The following ARL4C variants were observed in gnomAD, a reference collection of about 807,000 sequenced individuals.
ARL4C encodes the protein ADP-ribosylation factor-like protein 4C.
A neutral mutation model predicts 12.8 loss-of-function variants in ARL4C; 5 were observed. The ratio of observed to expected loss-of-function variants is 0.39; its 90% CI spans 0.20 to 0.82. ARL4C has a LOEUF of 0.82. Ranked by LOEUF, ARL4C falls within the 40% of genes least tolerant of loss-of-function variation. The pLI is 0.39. For missense variants in ARL4C, 148 were observed against 265.2 expected, an observed-to-expected ratio of 0.56 and a Z score of 3.07; for synonymous variants, 119 against 119.4, an observed-to-expected ratio of 1.00 and a Z score of 0.02.
In ARL4C at chr2:234,496,278, C is replaced by T. The variant is rs779118401; in HGVS notation, c.309G>A (p.Glu103=). Residue 103 remains glutamate (E), a synonymous_variant, in exon 1 of 2, where the codon GAG becomes GAA. Coordinates refer to ENST00000339728, the MANE Select transcript of ARL4C (RefSeq NM_001282431.2). ...TCACCTTGTGCAGCTCCGTCTTGGCCTCCTCCAGCCGGTCCACGTCCACCG... is the reference window on the plus strand; with the variant it reads ...TCACCTTGTGCAGCTCCGTCTTGGCTTCCTCCAGCCGGTCCACGTCCACCG... ...VDSVDVDRLE[E]AKTELHKVTK... 1.9e-6 allele frequency: 3 copies of T among 1,598,612 alleles called. No individual in the cohort carries two copies. The highest frequency in any genetic ancestry group is 2.6e-6 in the Non-Finnish European group (3 of 1,172,298).
In ARL4C at chr2:234,495,789, G is replaced by A. The variant is rs771408153; in HGVS notation, c.*17C>T. The A allele has an allele frequency of 1.7e-5, 27 of 1,598,440 alleles. No homozygotes were observed. The highest frequency in any genetic ancestry group is 2.3e-5 in the Non-Finnish European group (27 of 1,179,790). ...CTGAGCTGGGGGTGGGGGGCAGGTC[G>A]AGAGTAGGCCGGTAAATCAGACTTC... is the stretch of plus-strand genomic sequence containing the variant. On this transcript the variant is annotated 3_prime_UTR_variant, in exon 2 of 2. Coordinates refer to ENST00000339728, the MANE Select transcript of ARL4C (RefSeq NM_001282431.2).
Position 234,495,505 on chromosome 2 carries a change from C to G in ARL4C, c.*301G>C. On this transcript the variant is annotated 3_prime_UTR_variant, in exon 2 of 2. Transcript: ENST00000339728. ...GCAAGGAGAGGTGGTCCCCCCAGAA[C>G]CAACATGCCCCCCAAGGTGGGTACG... The G allele has an allele frequency of 5.4e-6, 3 of 559,248 alleles. No homozygotes were observed. In the South Asian group the frequency reaches 6.2e-5, roughly 12 times the overall value. The allele number at this position is 559,248 out of a possible 1,614,324, so 34.6% of individuals were successfully genotyped here.
chr2:234,496,266 C>A lies in ARL4C; in HGVS notation c.321G>T (p.Glu107Asp). The change falls in exon 1 of 2, where the codon GAG becomes GAT. Residue 107 changes from glutamate to aspartate, a missense_variant. Coordinates refer to ENST00000339728, the MANE Select transcript of ARL4C (RefSeq NM_001282431.2). ...CGGCGAACTTGGTCACCTTGTGCAG[C>A]TCCGTCTTGGCCTCCTCCAGCCGGT... ...DVDRLEEAKTELHKVTKFAEN... is the reference protein window; with the variant it reads ...DVDRLEEAKTDLHKVTKFAEN... 6.3e-7 allele frequency: 1 copy of A among 1,593,904 alleles called. No individual in the cohort carries two copies. Among genetic ancestry groups the A allele is most frequent in the Non-Finnish European group, 8.5e-7 (1 of 1,169,652 alleles).
rs896252475 is a variant in ARL4C, at chr2:234,494,612, T to C, written c.*1194A>G. ...TGCAACAAGGTGGGGTTTTATTTTT[T>C]TGGTGCATGACATCAAATACTCTAA... On this transcript the variant is annotated 3_prime_UTR_variant, in exon 2 of 2. Coordinates refer to ENST00000339728, the MANE Select transcript of ARL4C (RefSeq NM_001282431.2). 1 of 152,284 alleles carries C rather than the reference T, an allele frequency of 6.6e-6. No individual in the cohort carries two copies. Among genetic ancestry groups the C allele is most frequent in the Non-Finnish European group, 1.5e-5 (1 of 68,028 alleles). 9.4% of individuals were successfully genotyped at this position (152,284 alleles called of 1,614,324 possible).
chr2:234,495,372 T>C lies in ARL4C; in HGVS notation c.*434A>G. On this transcript the variant is annotated 3_prime_UTR_variant, in exon 2 of 2. Transcript: ENST00000339728. Reference sequence around the variant, plus strand: ...CCCGCTGAACCGTCCCAGGCAGTCCTCTGATGACCCAAACCACCACCACCT... The same window carrying C: ...CCCGCTGAACCGTCCCAGGCAGTCCCCTGATGACCCAAACCACCACCACCT... 3.9e-6 allele frequency: 1 copy of C among 258,778 alleles called. No homozygotes were observed. The highest frequency in any genetic ancestry group is 4.9e-5 in the South Asian group (1 of 20,368). 16.0% of individuals were successfully genotyped at this position (258,778 alleles called of 1,614,324 possible). A position where few individuals can be genotyped will look rare whatever the true frequency, so the allele number is the denominator to read the frequency against.
chr2:234,494,567 C>T lies in ARL4C; in HGVS notation c.*1239G>A, dbSNP rs1691749533. On this transcript the variant is annotated 3_prime_UTR_variant, in exon 2 of 2. Transcript: ENST00000339728. ...TGTGTTTTTCCTTCTCTTTTAATTC[C>T]ATGCAACGAGGTCAGCTTTTGCAAC... is the stretch of plus-strand genomic sequence containing the variant. 1 of 152,546 alleles carries T rather than the reference C, an allele frequency of 6.6e-6. No homozygotes were observed. The highest frequency in any genetic ancestry group is 1.5e-5 in the Non-Finnish European group (1 of 68,036). The allele number at this position is 152,546 out of a possible 1,614,324, so 9.4% of individuals were successfully genotyped here.
rs1046176852 is a variant in ARL4C, at chr2:234,495,688, G to T, written c.*118C>A. The T allele has an allele frequency of 3.8e-6, 5 of 1,312,404 alleles. No homozygotes were observed. The African/African-American group carries it at 5.8e-5, about 15-fold the overall frequency. The allele number at this position is 1,312,404 out of a possible 1,614,324, so 81.3% of individuals were successfully genotyped here. ...CCACCTGGGGCTGGGAGGGCGGACA[G>T]CAGGACCGGCTCTTCCACTCCCCAC... On this transcript the variant is annotated 3_prime_UTR_variant, in exon 2 of 2. Coordinates refer to ENST00000339728, the MANE Select transcript of ARL4C (RefSeq NM_001282431.2).
chr2:234,496,274 T>G lies in ARL4C; in HGVS notation c.313A>C (p.Lys105Gln). ...SVDVDRLEEA[K>Q]TELHKVTKFA... ...TTGGTCACCTTGTGCAGCTCCGTCT[T>G]GGCCTCCTCCAGCCGGTCCACGTCC... The change falls in exon 1 of 2, where the codon AAG becomes CAG. Residue 105 changes from lysine (K) to glutamine (Q), a missense_variant. This residue lies in a region of ARL4C where 27 missense variants were observed against 25.6 expected (regional missense o/e 1.06). Transcript: ENST00000339728. 6.3e-7 allele frequency: 1 copy of G among 1,598,080 alleles called. No homozygotes were observed. The highest frequency in any genetic ancestry group is 8.5e-7 in the Non-Finnish European group (1 of 1,171,884).
Position 234,495,752 on chromosome 2 carries a change from A to G in ARL4C, c.*54T>C. ...CCTGGTCAGTAGCTCTGGCGTTCAG[A>G]CAAAAGGTCCCCTGAGCTGGGGGTG... On this transcript the variant is annotated 3_prime_UTR_variant, in exon 2 of 2. Transcript: ENST00000339728. 6.3e-7 allele frequency: 1 copy of G among 1,596,660 alleles called. No individual in the cohort carries two copies. Among genetic ancestry groups the G allele is most frequent in the Non-Finnish European group, 8.5e-7 (1 of 1,178,170 alleles).
rs1162760663 is a variant in ARL4C at position 234,493,107 on chromosome 2, CAAAAG to C, written c.*2694_*2698del. 1 of 152,550 alleles carries C rather than the reference CAAAAG, an allele frequency of 6.6e-6. No homozygotes were observed. Among genetic ancestry groups the C allele is most frequent in the Non-Finnish European group, 1.5e-5 (1 of 68,034 alleles). 9.4% of individuals were successfully genotyped at this position (152,550 alleles called of 1,614,324 possible). A position where few individuals can be genotyped will look rare whatever the true frequency, so the allele number is the denominator to read the frequency against. Reference sequence around the variant, plus strand: ...TATGCATTATAAAAGGCTATGGAAACAAAAGAGAAGGATGATGAGACAGAGAATTA... The same window carrying C: ...TATGCATTATAAAAGGCTATGGAAACAGAAGGATGATGAGACAGAGAATTA... On this transcript the variant is annotated 3_prime_UTR_variant, in exon 2 of 2. Coordinates refer to ENST00000339728, the MANE Select transcript of ARL4C (RefSeq NM_001282431.2).
Position 234,496,560 on chromosome 2 carries a change from C to T in ARL4C, c.27G>A (p.Ser9=). The part of the protein sequence containing the change: MGNISSNI[S]AFQSLHIVML... ...TGACGATATGCAGGGACTGGAAGGCCGAGATGTTAGAGGAGATGTTGCCCA... is the reference window on the plus strand; with the variant it reads ...TGACGATATGCAGGGACTGGAAGGCTGAGATGTTAGAGGAGATGTTGCCCA... The change falls in exon 1 of 2, where the codon TCG becomes TCA. Residue 9 remains serine, a synonymous_variant. Coordinates refer to ENST00000339728, the MANE Select transcript of ARL4C (RefSeq NM_001282431.2). 6.3e-7 allele frequency: 1 copy of T among 1,596,316 alleles called. No individual in the cohort carries two copies. Among genetic ancestry groups the T allele is most frequent in the South Asian group, 1.1e-5 (1 of 88,968 alleles).
Position 234,493,429 on chromosome 2 carries a change from G to A in ARL4C, c.*2377C>T, listed in dbSNP as rs886431393. ...TCCTCTGTTGGGTCAGAGACGAAAC[G>A]GGCTATTATTAGGTCAAACATTACA... On this transcript the variant is annotated 3_prime_UTR_variant, in exon 2 of 2. Coordinates refer to ENST00000339728, the MANE Select transcript of ARL4C (RefSeq NM_001282431.2). The A allele has an allele frequency of 2.0e-5, 3 of 152,206 alleles. No individual in the cohort carries two copies. Among genetic ancestry groups the A allele is most frequent in the African/African-American group, 7.2e-5 (3 of 41,426 alleles). 9.4% of individuals were successfully genotyped at this position (152,206 alleles called of 1,614,324 possible). A position where few individuals can be genotyped will look rare whatever the true frequency, so the allele number is the denominator to read the frequency against.
Position 234,496,835 on chromosome 2 carries a change from C to T in ARL4C, c.-249G>A, listed in dbSNP as rs1411370708. 1 of 149,604 alleles carries T rather than the reference C, an allele frequency of 6.7e-6. No individual in the cohort carries two copies. Among genetic ancestry groups the T allele is most frequent in the Non-Finnish European group, 1.5e-5 (1 of 67,128 alleles). The allele number at this position is 149,604 out of a possible 1,614,324, so 9.3% of individuals were successfully genotyped here. On this transcript the variant is annotated 5_prime_UTR_variant, in exon 1 of 2. Coordinates refer to ENST00000339728, the MANE Select transcript of ARL4C (RefSeq NM_001282431.2). ...ACGCGCGGCTTTGTCTCCCGCGAAG[C>T]CGCCTCAGATGTTCGGCGCCCTCCC...
At position 234,493,276 on chromosome 2, in the gene ARL4C, C is replaced by A. The variant is rs533926856; in HGVS notation, c.*2530G>T. 1 of 152,370 alleles carries A rather than the reference C, an allele frequency of 6.6e-6. No homozygotes were observed. Among genetic ancestry groups the A allele is most frequent in the African/African-American group, 2.4e-5 (1 of 41,580 alleles). 9.4% of individuals were successfully genotyped at this position (152,370 alleles called of 1,614,324 possible). A position where few individuals can be genotyped will look rare whatever the true frequency, so the allele number is the denominator to read the frequency against. ...CATTTCCAAAGCTCACGGAGGGAGG[C>A]CAACTTCCCCTATGGGAAACCCATT... is the stretch of plus-strand genomic sequence containing the variant. On this transcript the variant is annotated 3_prime_UTR_variant, in exon 2 of 2. Coordinates refer to ENST00000339728, the MANE Select transcript of ARL4C (RefSeq NM_001282431.2).
chr2:234,495,918 G>T, intron 1 of ARL4C, 82 bp from the exon 2 acceptor site: 3 of 1,606,352 alleles, frequency 1.9e-6, no homozygotes, highest in Non-Finnish European at 2.5e-6. Flanking sequence ...GCGGGTTCTC[G>T]CTCATCCATC....
At position 234,495,785 on chromosome 2, in the gene ARL4C, G is replaced by C. The variant is rs1691773340; in HGVS notation, c.*21C>G. ...TCCCCTGAGCTGGGGGTGGGGGGCA[G>C]GTCGAGAGTAGGCCGGTAAATCAGA... On this transcript the variant is annotated 3_prime_UTR_variant, in exon 2 of 2. Coordinates refer to ENST00000339728, the MANE Select transcript of ARL4C (RefSeq NM_001282431.2). 2 of 1,598,348 alleles carry C rather than the reference G, an allele frequency of 1.3e-6. No homozygotes were observed. The highest frequency in any genetic ancestry group is 1.7e-6 in the Non-Finnish European group (2 of 1,179,818).
At position 234,495,674 on chromosome 2, in the gene ARL4C, TG is replaced by T; in HGVS notation, c.*131del. 8.6e-7 allele frequency: 1 copy of T among 1,156,072 alleles called. No individual in the cohort carries two copies. Among genetic ancestry groups the T allele is most frequent in the Non-Finnish European group, 1.3e-6 (1 of 786,122 alleles). The allele number at this position is 1,156,072 out of a possible 1,614,324, so 71.6% of individuals were successfully genotyped here. On this transcript the variant is annotated 3_prime_UTR_variant, in exon 2 of 2. Transcript: ENST00000339728. Reference sequence around the variant, plus strand: ...GACAACTGAGCCTTCCACCTGGGGCTGGGAGGGCGGACAGCAGGACCGGCTC... The same window carrying T: ...GACAACTGAGCCTTCCACCTGGGGCTGGAGGGCGGACAGCAGGACCGGCTC...
At position 234,496,069 on chromosome 2, in the gene ARL4C, T is replaced by C. The variant is rs760530303; in HGVS notation, c.518A>G (p.Asp173Gly). ...TTTCAGGATCATCTCATAGAGCTTG[T>C]CCATGCCCTCGGTGAGGCCCTCGCC... Reference protein sequence around the residue: ...IIGEGLTEGMDKLYEMILKRR... With the variant: ...IIGEGLTEGMGKLYEMILKRR... The change falls in exon 1 of 2, where the codon GAC becomes GGC. Residue 173 changes from aspartate (D) to glycine (G), a missense_variant. By Grantham distance (94) the Asp-to-Gly change is moderately conservative. Around this residue, in one of 4 missense-constraint regions of ARL4C, gnomAD observed 42 missense variants for 87.4 expected, o/e 0.48. Transcript: ENST00000339728. 6.2e-7 allele frequency: 1 copy of C among 1,612,136 alleles called. No individual in the cohort carries two copies. Among genetic ancestry groups the C allele is most frequent in the South Asian group, 1.1e-5 (1 of 90,688 alleles).
In ARL4C at chr2:234,496,033, G is replaced by T; in HGVS notation, c.554C>A (p.Ser185Tyr). The T allele has an allele frequency of 6.2e-7, 1 of 1,605,872 alleles. No homozygotes were observed. Among genetic ancestry groups the T allele is most frequent in the African/African-American group, 1.3e-5 (1 of 74,692 alleles). The part of the protein sequence containing the change: ...LYEMILKRRK[S>Y]LKQKKKRTGD... ...TTACCGCTTCTTCTTCTGCTTGAGG[G>T]ACTTCCTGCGTTTCAGGATCATCTC... Residue 185 changes from serine (S) to tyrosine (Y), a missense_variant, in exon 1 of 2, where the codon TCC becomes TAC. This residue lies in a region of ARL4C where 28 missense variants were observed against 24.3 expected (regional missense o/e 1.15). Transcript: ENST00000339728.
Sources: allele counts gnomAD v4.1 joint callset, GRCh38; gene constraint gnomAD v4.1.1; regional missense constraint gnomAD v4.1.1; transcripts MANE v1.5; gene names NCBI Gene and HGNC (gene_info 2026-07-23, HGNC 2026-07-21).